ZNF329: variants seen among roughly 807,000 people sequenced by gnomAD.
ZNF329 encodes the protein zinc finger protein 329.
Under a neutral mutation model 26.6 loss-of-function variants are expected in ZNF329, and 15 were observed. That is an observed-to-expected ratio of 0.56 (90% CI 0.38 to 0.87). ZNF329 has a LOEUF of 0.87. ZNF329 is among the 40% of genes least tolerant of loss of function. ZNF329 has a pLI of 0.00. For missense variants in ZNF329, 651 were observed against 651.9 expected, an observed-to-expected ratio of 1.00 and a Z score of 0.02; for synonymous variants, 239 against 233.5, an observed-to-expected ratio of 1.02 and a Z score of -0.21.
chr19:58,141,271 C>T (rs531744750), intron 3 of ZNF329, among the ~76,000 whole-genome samples: 3 of 152,000 alleles, frequency 2.0e-5, no homozygotes, highest in East Asian at 1.9e-4. Context: ...GCTGGGATTA[C>T]AGTTGTGAGC....
chr19:58,144,850 CTTTTTTTT>C (rs71188086), intron 1 of ZNF329, among the ~76,000 whole-genome samples: 1 of 120,334 alleles, frequency 8.3e-6, no homozygotes, highest in East Asian at 2.3e-4. Context: ...AATTTTTTTT[CTTTTTTTT>C]TTTTTTTTTG....
chr19:58,152,515 AAAC>A (rs757803024), upstream of ZNF329, among the ~76,000 whole-genome samples: 1 of 152,146 alleles, frequency 6.6e-6, no homozygotes, highest in Non-Finnish European at 1.5e-5. Flanking sequence ...TCACAGAATA[AAAC>A]AACTTAAAGA....
chr19:58,150,773 A>C lies in ZNF329; in HGVS notation c.-229T>G, dbSNP rs2075435696. 1 of 152,850 alleles carries C rather than the reference A, an allele frequency of 6.5e-6. No homozygotes were observed. The highest frequency in any genetic ancestry group is 1.9e-4 in the East Asian group (1 of 5,188). 9.5% of individuals were successfully genotyped at this position (152,850 alleles called of 1,614,324 possible). ...TTACGGTTGGCGGCCGGCGGCAGCC[A>C]TGTTCCGGGCGATTGCGCTTGCGCG... On this transcript the variant is annotated 5_prime_UTR_variant, in exon 1 of 4. The change abolishes an upstream ATG in the 5' untranslated region. Coordinates refer to ENST00000598312, the MANE Select transcript of ZNF329 (RefSeq NM_024620.4).
chr19:58,128,348 G>C lies in ZNF329; in HGVS notation c.1156C>G (p.Leu386Val), dbSNP rs779673359. Residue 386 changes from leucine (L) to valine (V), a missense_variant, in exon 4 of 4, where the codon CTC (leucine) becomes GTC (valine). Transcript: ENST00000598312. ...CGKSFNRNSHLIVHQKIHSGE... is the reference protein window; with the variant it reads ...CGKSFNRNSHVIVHQKIHSGE... ...GAATGGATCTTTTGATGCACAATGA[G>C]GTGAGAGTTTCTGTTGAAGGATTTC... 3.1e-6 allele frequency: 5 copies of C among 1,614,002 alleles called. No individual in the cohort carries two copies. In the African/African-American group the frequency reaches 5.3e-5, roughly 17 times the overall value.
chr19:58,139,799 C>T (rs918532469), intron 3 of ZNF329, among the ~76,000 whole-genome samples: 5 of 152,020 alleles, frequency 3.3e-5, no homozygotes, highest in South Asian at 2.1e-4. Flanking sequence ...ATTAGGTATT[C>T]GGGAAATGCT....
chr19:58,128,707 T>G lies in ZNF329; in HGVS notation c.797A>C (p.Lys266Thr). 1 of 1,607,218 alleles carries G rather than the reference T, an allele frequency of 6.2e-7. No homozygotes were observed. Among genetic ancestry groups the G allele is most frequent in the Non-Finnish European group, 8.5e-7 (1 of 1,176,764 alleles). Residue 266 changes from lysine to threonine, a missense_variant, in exon 4 of 4, where the codon AAA becomes ACA. By Grantham distance (78) the Lys-to-Thr change is moderately conservative. Transcript: ENST00000598312. ...EKPYECSKCG[K>T]AFSDGSALTQ... ...CAGAGCTGAGCCATCACTGAAAGCT[T>G]TCCCACATTTACTGCATTCATAGGG...
rs1390763848 is a variant in ZNF329, at chr19:58,129,454, C to G, written c.50G>C (p.Cys17Ser). ...TRNFPEREVPCDVEVERFTRE... is the reference protein window; with the variant it reads ...TRNFPEREVPSDVEVERFTRE... ...TGTGAATCTTTCCACTTCTACATCA[C>G]AGGGTACTTCTCTCTCAGGAAAATT... Residue 17 changes from cysteine to serine, a missense_variant, in exon 4 of 4, where the codon TGT becomes TCT. Physicochemically the swap from Cys to Ser is moderately radical, Grantham distance 112 (BLOSUM62 -1). Transcript: ENST00000598312. 1.9e-6 allele frequency: 3 copies of G among 1,610,224 alleles called. No homozygotes were observed. In the Admixed American group the frequency reaches 5.1e-5, roughly 27 times the overall value.
chr19:58,128,826 G>T lies in ZNF329; in HGVS notation c.678C>A (p.Thr226=). The change falls in exon 4 of 4, where the codon ACC becomes ACA. Residue 226 remains threonine, a synonymous_variant. Transcript: ENST00000598312. ...SSLVLHHRTH[T]GEKPYTCNEC... is the part of the protein sequence containing the mutation. ...CATTACAAGTATAAGGCTTCTCTCC[G>T]GTGTGAGTTCGGTGATGCAAAACAA... The T allele has an allele frequency of 1.2e-6, 2 of 1,608,430 alleles. No individual in the cohort carries two copies. Among genetic ancestry groups the T allele is most frequent in the Non-Finnish European group, 1.7e-6 (2 of 1,177,710 alleles).
chr19:58,148,466 A>G (rs1335610407), intron 1 of ZNF329, among the ~76,000 whole-genome samples: 1 of 148,476 alleles, frequency 6.7e-6, no homozygotes, highest in African/African-American at 2.6e-5. Flanking sequence ...GATTGGCAGG[A>G]AAAAAAAATT....
chr19:58,148,986 A>G (rs1049094592), intron 1 of ZNF329, among the ~76,000 whole-genome samples: 3 of 152,198 alleles, frequency 2.0e-5, no homozygotes, highest in Non-Finnish European at 4.4e-5. Flanking sequence ...GCATTTCCAG[A>G]CAGTTAAGGC....
At chr19:58,149,698 G>A (rs1188417031) in intron 1 of ZNF329, among the ~76,000 whole-genome samples, 1 of 152,152 alleles carries the variant, frequency 6.6e-6, no homozygotes, top group Non-Finnish European at 1.5e-5. Flanking sequence ...ACAAGCCCAA[G>A]TTCCTATAGC....
At chr19:58,134,183 C>A (rs1421031097) in intron 3 of ZNF329, among the ~76,000 whole-genome samples, 1 of 152,126 alleles carries the variant, frequency 6.6e-6, no homozygotes, top group Admixed American at 6.6e-5. Context: ...TTCCTAGGAG[C>A]CACGGATGCT....
chr19:58,130,551 G>A (rs534896658), intron 3 of ZNF329, among the ~76,000 whole-genome samples: 1 of 151,634 alleles, frequency 6.6e-6, no homozygotes, highest in South Asian at 2.1e-4. Flanking sequence ...GCGGGCGCCT[G>A]TAGTCCCAGC....
intron 3 of ZNF329, 27 bp from the exon 4 acceptor site, chr19:58,129,538 T>C (rs1322706552): frequency 6.5e-7 from 1 of 1,540,100 alleles, no homozygotes; most frequent in East Asian, 2.3e-5. Flanking sequence ...AATGCAGACT[T>C]AGGTATATGA....
intron 3 of ZNF329, among the ~76,000 whole-genome samples, chr19:58,139,800 G>A (rs374604885): frequency 3.9e-5 from 6 of 152,170 alleles, no homozygotes; most frequent in South Asian, 4.1e-4. Context: ...TTAGGTATTC[G>A]GGAAATGCTG....
chr19:58,142,457 C>A (rs2075209775), intron 3 of ZNF329, 100 bp downstream of exon 3: 1 of 152,598 alleles, frequency 6.6e-6, no homozygotes, highest in Non-Finnish European at 1.5e-5. Flanking sequence ...GTCTAGACCC[C>A]ATCTGCCACA....
chr19:58,147,102 T>C (rs1200359077), intron 1 of ZNF329, among the ~76,000 whole-genome samples: 1 of 149,796 alleles, frequency 6.7e-6, no homozygotes, highest in Non-Finnish European at 1.5e-5. Flanking sequence ...ATCTAGGAAG[T>C]GAGGAGCGTC....
chr19:58,130,104 G>A (rs2074903826), intron 3 of ZNF329, among the ~76,000 whole-genome samples: 1 of 152,138 alleles, frequency 6.6e-6, no homozygotes, highest in Non-Finnish European at 1.5e-5. Flanking sequence ...TGGATCATTT[G>A]AAGTCAGGAG....
At chr19:58,150,098 T>C (rs951590355) in intron 1 of ZNF329, among the ~76,000 whole-genome samples, 1 of 152,172 alleles carries the variant, frequency 6.6e-6, no homozygotes, top group African/African-American at 2.4e-5. Flanking sequence ...TCATAAAATA[T>C]TGAGACTGGA....
Sources: allele counts gnomAD v4.1 joint callset (sites outside exome capture counted in the v4.1 genomes callset), GRCh38; gene constraint gnomAD v4.1.1; transcripts MANE v1.5; gene names NCBI Gene and HGNC (gene_info 2026-07-23, HGNC 2026-07-21).